Variants in TANK observed in about 807,000 individuals in gnomAD.
TANK encodes TRAF family member associated NFKB activator, also known as TRAF family member-associated NF-kappa-B activator.
In TANK, 15 loss-of-function variants were observed where a neutral mutation model predicts 43.6. That is an observed-to-expected ratio of 0.34 (90% confidence interval 0.23 to 0.53). TANK has a LOEUF of 0.53. TANK is among the 20% of genes least tolerant of loss of function. The pLI is 0.94. For synonymous variants in TANK, 162 were observed against 178.2 expected (o/e 0.91, Z 0.73); for missense variants, 417 against 498.6 (o/e 0.84, Z 1.56).
chr2:161,179,856 C>A, intron 2 of TANK, 95 bp downstream of exon 2: 1 of 1,414,600 alleles, frequency 7.1e-7, no homozygotes, highest in Admixed American at 2.7e-5. Context: ...TTAGAAATTG[C>A]CCTGAAGAAC....
chr2:161,188,838 A>G (rs1242259463), intron 2 of TANK, among the ~76,000 whole-genome samples: 1 of 152,196 alleles, frequency 6.6e-6, no homozygotes, highest in Non-Finnish European at 1.5e-5. Context: ...CCTTTAAGAG[A>G]TGATTAGGCC....
intron 7 of TANK, chr2:161,232,768 A>G (rs1380953337): frequency 5.8e-6 from 9 of 1,550,348 alleles, no homozygotes; most frequent in Admixed American, 3.9e-5. Context: ...GGCACCCTGC[A>G]TTGTACATTT....
In TANK at chr2:161,151,817, T is replaced by C. The variant is rs117278629; in HGVS notation, c.-50+14754T>C. 5.1e-4 allele frequency among the ~76,000 whole-genome samples: 78 copies of C among 152,266 alleles called. 2 individuals are homozygous for C. In the East Asian group the frequency reaches 0.012, roughly 23 times the overall value. On this transcript the variant is annotated intron_variant, in intron 1 of 7. Transcript: ENST00000259075. ...GGTCTTACGGCTGCCATTTTGCTAT[T>C]TGATTTCTGTATGTTCTATACCATT...
intron 1 of TANK, among the ~76,000 whole-genome samples, chr2:161,165,866 C>T (rs529141593): frequency 2.0e-5 from 3 of 152,206 alleles, no homozygotes; most frequent in African/African-American, 7.2e-5. Flanking sequence ...GCCATGTTTA[C>T]GTTCACCTCA....
At chr2:161,202,636 T>G (rs1345914932) in intron 2 of TANK, among the ~76,000 whole-genome samples, 1 of 152,162 alleles carries the variant, frequency 6.6e-6, no homozygotes, top group Non-Finnish European at 1.5e-5. Flanking sequence ...GAACTTCATT[T>G]TCATTTTATA....
At chr2:161,205,599 A>G (rs1239961761) in intron 4 of TANK, among the ~76,000 whole-genome samples, 1 of 152,176 alleles carries the variant, frequency 6.6e-6, no homozygotes. Flanking sequence ...AAGGACGTTC[A>G]TGCCATGGGT....
At chr2:161,219,844 T>C in intron 4 of TANK, 2 of 399,552 alleles carry the variant, frequency 5.0e-6, no homozygotes, top group South Asian at 3.8e-5. Context: ...AAAATCTAAG[T>C]GACAAATGAA....
intron 2 of TANK, among the ~76,000 whole-genome samples, chr2:161,197,969 TCCCAAAAGCC>T (rs1686230825): frequency 6.6e-6 from 1 of 152,116 alleles, no homozygotes; most frequent in South Asian, 2.1e-4. Context: ...ATTTATTCCA[TCCCAAAAGCC>T]CCCAAAAGAC....
chr2:161,169,492 AAG>A (rs1303600422), intron 1 of TANK, among the ~76,000 whole-genome samples: 17 of 152,208 alleles, frequency 1.1e-4, no homozygotes, highest in Admixed American at 5.2e-4. Flanking sequence ...GGGATATTTA[AAG>A]AGAGCTGAAT....
chr2:161,159,666 C>T (rs951469944), upstream of TANK, among the ~76,000 whole-genome samples: 67 of 152,134 alleles, frequency 4.4e-4, no homozygotes, highest in Non-Finnish European at 2.6e-4. Flanking sequence ...TTCAGAAATA[C>T]AGGGAGAAAT....
At position 161,160,445 on chromosome 2, in the gene TANK, C is replaced by A. The variant is rs1369966290; in HGVS notation, c.-91C>A. 2 of 1,238,498 alleles carry A rather than the reference C, an allele frequency of 1.6e-6. No homozygotes were observed. Among genetic ancestry groups the A allele is most frequent in the African/African-American group, 3.1e-5 (2 of 64,648 alleles). 76.7% of individuals were successfully genotyped at this position (1,238,498 alleles called of 1,614,324 possible). A position where few individuals can be genotyped will look rare whatever the true frequency, so the allele number is the denominator to read the frequency against. On this transcript the variant is annotated 5_prime_UTR_variant, in exon 1 of 8. Coordinates refer to ENST00000392749, the MANE Select transcript of TANK (RefSeq NM_001199135.3). ...TTGGAGTCACTCGGCCAGGCGCCGG[C>A]GACCTGAGGGGAGAGGGAACGCAGC...
chr2:161,231,006 A>G lies in TANK; in HGVS notation c.556A>G (p.Lys186Glu). The change falls in exon 7 of 8, where the codon AAA becomes GAA. Residue 186 changes from lysine (K) to glutamate (E), a missense_variant. Transcript: ENST00000392749. ...QCSVPIQCTDKTDKQEALFKP... is the reference protein window; with the variant it reads ...QCSVPIQCTDETDKQEALFKP... Reference sequence around the variant, plus strand: ...CTCTGTGCCTATACAGTGTACGGATAAAACAGATAAACAAGAAGCGCTGTT... The same window carrying G: ...CTCTGTGCCTATACAGTGTACGGATGAAACAGATAAACAAGAAGCGCTGTT... The G allele has an allele frequency of 1.2e-6, 2 of 1,614,170 alleles. No individual in the cohort carries two copies. Among genetic ancestry groups the G allele is most frequent in the Non-Finnish European group, 1.7e-6 (2 of 1,180,012 alleles).
At chr2:161,213,400 T>G (rs760229568) in intron 4 of TANK, among the ~76,000 whole-genome samples, 3 of 152,086 alleles carry the variant, frequency 2.0e-5, no homozygotes, top group Non-Finnish European at 4.4e-5. Context: ...GTCAGGAGTT[T>G]GAGACCAACC....
chr2:161,206,238 TA>T (rs1686648072), intron 4 of TANK, among the ~76,000 whole-genome samples: 1 of 152,138 alleles, frequency 6.6e-6, no homozygotes, highest in African/African-American at 2.4e-5. Flanking sequence ...CATGTTTTCA[TA>T]AGTCATTGAA....
intron 2 of TANK, among the ~76,000 whole-genome samples, chr2:161,181,465 A>C (rs1415077808): frequency 6.6e-6 from 1 of 152,126 alleles, no homozygotes; most frequent in African/African-American, 2.4e-5. Flanking sequence ...GAGACTGGGT[A>C]ATTTGTGAAG....
Position 161,174,462 on chromosome 2 carries a change from T to C in TANK, c.-49-5152T>C, listed in dbSNP as rs1227614542. ...TTGTGAAATGAAATGCCCTAGCAAC[T>C]GGTTTGCAATCAAGGCTTAATTTGT... On this transcript the variant is annotated intron_variant, in intron 1 of 7. Coordinates refer to ENST00000392749, the MANE Select transcript of TANK (RefSeq NM_001199135.3). 2.0e-5 allele frequency among the ~76,000 whole-genome samples: 3 copies of C among 152,164 alleles called. No individual in the cohort carries two copies. In the East Asian group the frequency reaches 5.8e-4, roughly 29 times the overall value.
chr2:161,184,324 A>G (rs1240579241), intron 2 of TANK, among the ~76,000 whole-genome samples: 2 of 152,156 alleles, frequency 1.3e-5, no homozygotes, highest in African/African-American at 4.8e-5. Flanking sequence ...GAGCTCAACA[A>G]ATATATATTA....
chr2:161,210,713 A>AG (rs1263252394), intron 4 of TANK, among the ~76,000 whole-genome samples: 3 of 151,774 alleles, frequency 2.0e-5, no homozygotes, highest in Non-Finnish European at 2.9e-5. Flanking sequence ...AAAAAAAAAA[A>AG]AGAAATTCTA....
At chr2:161,210,690 T>A in intron 4 of TANK, among the ~76,000 whole-genome samples, 1 of 136,724 alleles carries the variant, frequency 7.3e-6, no homozygotes, top group African/African-American at 2.7e-5. Flanking sequence ...AGAGTGAAAC[T>A]CCGTCTAAAA....
Sources: gnomAD v4.1 joint callset for allele counts (sites outside exome capture counted in the v4.1 genomes callset) on GRCh38, gnomAD v4.1.1 for gene constraint, MANE v1.5 for transcripts, NCBI Gene and HGNC (gene_info 2026-07-23, HGNC 2026-07-21) for gene names.